Variants in AGMO observed in about 807,000 individuals in gnomAD.
The protein encoded by AGMO is glyceryl-ether monooxygenase.
In AGMO, 75 loss-of-function variants were observed where a neutral mutation model predicts 60.2. That is an observed-to-expected ratio of 1.25 (90% CI 1.03 to 1.51). The LOEUF (loss-of-function observed/expected upper bound fraction) is 1.51. Among genes scored for constraint, AGMO ranks in the 40% most tolerant of loss-of-function variants. The pLI is 0.00. For missense variants in AGMO, 763 were observed against 525.5 expected (o/e 1.45, Z -4.42); for synonymous variants, 261 against 177.1 (o/e 1.47, Z -3.76).
chr7:15,521,543 A>T lies in AGMO; in HGVS notation c.409+23229T>A, dbSNP rs189305912. Among the ~76,000 whole-genome samples, 347 of 152,346 alleles carry T rather than the reference A, an allele frequency of 2.3e-3. 2 individuals carry two copies. The highest frequency in any genetic ancestry group is 7.8e-3 in the African/African-American group (326 of 41,586). On this transcript the variant is annotated intron_variant, in intron 3 of 12. Transcript: ENST00000342526. ...CCCTGAGATGCAAGGCTGGTTCAAC[A>T]TAAGCAAATCAATAAATGTAATCCA... is the stretch of plus-strand genomic sequence containing the variant.
chr7:15,429,640 G>T (rs1209499319), intron 4 of AGMO, among the ~76,000 whole-genome samples: 1 of 152,020 alleles, frequency 6.6e-6, no homozygotes, highest in Non-Finnish European at 1.5e-5. Flanking sequence ...CATCACAGGT[G>T]TATGGTGTGG....
intron 12 of AGMO, among the ~76,000 whole-genome samples, chr7:15,251,442 T>G (rs538167598): frequency 1.3e-5 from 2 of 152,206 alleles, no homozygotes; most frequent in East Asian, 3.9e-4. Flanking sequence ...AGTAAGTCAA[T>G]GAAGAAAGGG....
intron 12 of AGMO, among the ~76,000 whole-genome samples, chr7:15,240,438 A>T (rs1271599283): frequency 6.6e-6 from 1 of 152,148 alleles, no homozygotes; most frequent in Non-Finnish European, 1.5e-5. Context: ...ACATTTTTCT[A>T]TCTCAGTCAT....
rs1781063726 is a variant in AGMO at position 15,426,444 on chromosome 7, A to T, written c.513+4561T>A. Among the ~76,000 whole-genome samples the T allele has an allele frequency of 3.3e-5, 5 of 152,276 alleles. No homozygotes were observed. In the South Asian group the frequency reaches 8.3e-4, roughly 25 times the overall value. On this transcript the variant is annotated intron_variant, in intron 4 of 12. Transcript: ENST00000342526. ...GTTTTATGGAACCAACCAACCAAAC[A>T]AACAAACAAAAACCAAAATCTTCCC...
At position 15,269,374 on chromosome 7, in the gene AGMO, A is replaced by G. The variant is rs993283144; in HGVS notation, c.1264-68015T>C. ...TTGTAATATAGACTCTAAGTCAAGT[A>G]AAAAGGCAAGTGAGCACATGAGAAC... On this transcript the variant is annotated intron_variant, in intron 12 of 12. Transcript: ENST00000342526. 3.3e-5 allele frequency among the ~76,000 whole-genome samples: 5 copies of G among 152,116 alleles called. No homozygotes were observed. In the South Asian group the frequency reaches 8.3e-4, roughly 25 times the overall value.
the AGMO span, among the ~76,000 whole-genome samples, chr7:15,177,470 C>T: frequency 6.6e-6 from 1 of 152,034 alleles, no homozygotes; most frequent in African/African-American, 2.4e-5. Context: ...GTGGTTTGTA[C>T]CTCAATCTCT....
At chr7:15,439,853 T>G (rs1781501298) in intron 3 of AGMO, among the ~76,000 whole-genome samples, 1 of 152,172 alleles carries the variant, frequency 6.6e-6, no homozygotes, top group Non-Finnish European at 1.5e-5. Context: ...CAAGAACTTT[T>G]GAACTTTACC....
chr7:15,157,324 G>A, the AGMO span, among the ~76,000 whole-genome samples: 1 of 152,180 alleles, frequency 6.6e-6, no homozygotes, highest in Non-Finnish European at 1.5e-5. Flanking sequence ...GGAGAGTAAA[G>A]AGTGGAGTGA....
At chr7:15,214,891 A>C (rs1781690222) in intron 12 of AGMO, among the ~76,000 whole-genome samples, 1 of 152,082 alleles carries the variant, frequency 6.6e-6, no homozygotes, top group Non-Finnish European at 1.5e-5. Context: ...TAAAAAGCTT[A>C]TTTTAAAGCA....
the AGMO span, among the ~76,000 whole-genome samples, chr7:15,174,344 T>C: frequency 0.35 from 53,215 of 151,904 alleles, 10,542 homozygotes; most frequent in Middle Eastern, 0.46. Flanking sequence ...GGAGGAACGA[T>C]CACTTTTTGA....
chr7:15,339,882 G>C (rs1303187697), intron 12 of AGMO, among the ~76,000 whole-genome samples: 1 of 152,094 alleles, frequency 6.6e-6, no homozygotes, highest in East Asian at 1.9e-4. Flanking sequence ...TTCAGAAATT[G>C]CTATGTTCAT....
At chr7:15,301,359 A>G (rs943724915) in intron 12 of AGMO, among the ~76,000 whole-genome samples, 6 of 152,170 alleles carry the variant, frequency 3.9e-5, no homozygotes, top group Non-Finnish European at 8.8e-5. Context: ...GAATCACGTG[A>G]ACCCAGAAAG....
At chr7:15,325,437 C>T (rs1196421934) in intron 12 of AGMO, among the ~76,000 whole-genome samples, 1 of 135,884 alleles carries the variant, frequency 7.4e-6, no homozygotes, top group South Asian at 2.4e-4. Flanking sequence ...TAAGATTAAC[C>T]TTAAAAAGCT....
At chr7:15,315,428 C>CCCTAGTTCAAGCGATTCT (rs1207885664) in intron 12 of AGMO, among the ~76,000 whole-genome samples, 1 of 131,128 alleles carries the variant, frequency 7.6e-6, no homozygotes. Flanking sequence ...ACCTCCGATT[C>CCCTAGTTCAAGCGATTCT]CCTAGTTCAA....
At chr7:15,183,853 G>T in the AGMO span, among the ~76,000 whole-genome samples, 1 of 152,082 alleles carries the variant, frequency 6.6e-6, no homozygotes, top group Admixed American at 6.5e-5. Flanking sequence ...AATGTCACAA[G>T]GGGCTAAACA....
intron 12 of AGMO, among the ~76,000 whole-genome samples, chr7:15,227,346 A>G (rs1013734016): frequency 6.6e-6 from 1 of 152,000 alleles, no homozygotes; most frequent in Non-Finnish European, 1.5e-5. Flanking sequence ...GCTGTAACCA[A>G]TCAAGCTGTG....
At chr7:15,487,912 T>C (rs1255965549) in intron 3 of AGMO, among the ~76,000 whole-genome samples, 1 of 152,118 alleles carries the variant, frequency 6.6e-6, no homozygotes, top group African/African-American at 2.4e-5. Context: ...TACTACATCA[T>C]CTCCTGAGAA....
intron 3 of AGMO, among the ~76,000 whole-genome samples, chr7:15,481,811 T>TG (rs1491110874): frequency 8.5e-4 from 99 of 116,986 alleles, no homozygotes; most frequent in African/African-American, 2.7e-3. Context: ...TTTTTTTTTT[T>TG]GCTAAATCAG....
In AGMO at chr7:15,531,314, A is replaced by ATATATATATTC. The variant is rs1388871154; in HGVS notation, c.409+13457_409+13458insGAATATATATA. On this transcript the variant is annotated intron_variant, in intron 3 of 12. Transcript: ENST00000342526. ...TAAAAATATTCTCTATATATATTCT[A>ATATATATATTC]TACATATATTCTATATATATTCTAT... 3.3e-5 allele frequency among the ~76,000 whole-genome samples: 3 copies of ATATATATATTC among 91,442 alleles called. 1 individual carries two copies. Among genetic ancestry groups the ATATATATATTC allele is most frequent in the African/African-American group, 1.6e-4 (3 of 19,250 alleles). The allele number at this position is 91,442 out of a possible 152,430, so 60.0% of individuals were successfully genotyped here.
Sources: allele counts gnomAD v4.1 joint callset (sites outside exome capture counted in the v4.1 genomes callset), GRCh38; gene constraint gnomAD v4.1.1; transcripts MANE v1.5; gene names NCBI Gene and HGNC (gene_info 2026-07-23, HGNC 2026-07-21).